Variants in COL25A1 observed in about 807,000 individuals in gnomAD.
COL25A1 encodes the protein collagen alpha-1(XXV) chain.
In COL25A1, 103 loss-of-function variants were observed where a neutral mutation model predicts 128.4. That is an observed-to-expected ratio of 0.80 (90% confidence interval 0.68 to 0.94). COL25A1 has a LOEUF of 0.94. COL25A1 is among the 40% of genes least tolerant of loss of function. The probability of loss-of-function intolerance (pLI) is 0.00; values close to 1 mark genes in which losing one functional copy is unlikely to be tolerated. For synonymous variants in COL25A1, 279 were observed against 277.2 expected, an observed-to-expected ratio of 1.01 and a Z score of -0.06; for missense variants, 745 against 840.0, an observed-to-expected ratio of 0.89 and a Z score of 1.40.
chr4:109,118,762 A>G (rs1767841083), intron 3 of COL25A1, among the ~76,000 whole-genome samples: 1 of 152,060 alleles, frequency 6.6e-6, no homozygotes, highest in African/African-American at 2.4e-5. Flanking sequence ...GAAGAAATAT[A>G]TTAATCCATT....
intron 18 of COL25A1, among the ~76,000 whole-genome samples, chr4:108,886,488 G>T (rs62314605): frequency 0.084 from 4,146 of 49,066 alleles, 167 homozygotes; most frequent in East Asian, 0.2. Flanking sequence ...GTGTGTGTGT[G>T]TGTGTTTAGC....
At chr4:108,868,663 AG>A (rs1339403213) in intron 20 of COL25A1, among the ~76,000 whole-genome samples, 44 of 148,188 alleles carry the variant, frequency 3.0e-4, no homozygotes, top group African/African-American at 9.7e-4. Context: ...AAAGAAGGAA[AG>A]GAAGGGGAAG....
At chr4:109,258,639 C>T (rs1781236907) in intron 3 of COL25A1, among the ~76,000 whole-genome samples, 1 of 152,114 alleles carries the variant, frequency 6.6e-6, no homozygotes, top group South Asian at 2.1e-4. Flanking sequence ...TACTGTATAA[C>T]ACCTCAACAT....
intron 3 of COL25A1, among the ~76,000 whole-genome samples, chr4:109,075,582 G>A (rs1047206049): frequency 9.2e-5 from 14 of 152,052 alleles, no homozygotes; most frequent in African/African-American, 3.4e-4. Context: ...AATTTTGGGA[G>A]AGTACACACT....
At chr4:108,929,155 G>T (rs761368588) in intron 11 of COL25A1, among the ~76,000 whole-genome samples, 4 of 151,184 alleles carry the variant, frequency 2.6e-5, no homozygotes, top group African/African-American at 9.7e-5. Flanking sequence ...ACCAAGTCTC[G>T]CTCTGTCACC....
chr4:109,224,265 A>G (rs1483325131), intron 3 of COL25A1, among the ~76,000 whole-genome samples: 1 of 151,948 alleles, frequency 6.6e-6, no homozygotes. Flanking sequence ...GTTCTGAAAA[A>G]CTCTGAAAGG....
chr4:108,953,377 G>A (rs1749685772), intron 8 of COL25A1, among the ~76,000 whole-genome samples: 1 of 152,094 alleles, frequency 6.6e-6, no homozygotes, highest in Non-Finnish European at 1.5e-5. Context: ...TGTTGCTTGA[G>A]GACATCCCTG....
chr4:109,149,576 T>C (rs1771272587), intron 3 of COL25A1, among the ~76,000 whole-genome samples: 1 of 152,152 alleles, frequency 6.6e-6, no homozygotes, highest in Non-Finnish European at 1.5e-5. Flanking sequence ...GCCATAAGGA[T>C]AATATATGTT....
intron 32 of COL25A1, 128 bp downstream of exon 32, chr4:108,832,252 G>C: frequency 1.6e-6 from 1 of 644,198 alleles, no homozygotes; most frequent in Non-Finnish European, 2.7e-6. Context: ...ACTTAGGATG[G>C]TATCTCTTTT....
intron 8 of COL25A1, among the ~76,000 whole-genome samples, chr4:108,955,123 C>T (rs1252446425): frequency 6.6e-6 from 1 of 151,940 alleles, no homozygotes. Flanking sequence ...TCTGTCATGT[C>T]ATTATTAAAA....
intron 3 of COL25A1, among the ~76,000 whole-genome samples, chr4:109,266,435 T>C (rs1169421834): frequency 2.0e-5 from 3 of 152,168 alleles, no homozygotes; most frequent in African/African-American, 7.2e-5. Context: ...CCAATATCAA[T>C]CTCATGCCTT....
intron 3 of COL25A1, among the ~76,000 whole-genome samples, chr4:109,160,760 T>C (rs1461113144): frequency 6.6e-6 from 1 of 152,164 alleles, no homozygotes; most frequent in Non-Finnish European, 1.5e-5. Flanking sequence ...GCCTGACCTG[T>C]AAGTGAGGAA....
At chr4:109,270,256 A>G (rs1387071444) in intron 3 of COL25A1, among the ~76,000 whole-genome samples, 2 of 152,178 alleles carry the variant, frequency 1.3e-5, no homozygotes, top group Admixed American at 6.5e-5. Flanking sequence ...AGGGTATTCA[A>G]TTAGGAAAAG....
At chr4:109,075,778 T>C (rs1354767768) in intron 3 of COL25A1, among the ~76,000 whole-genome samples, 3 of 152,188 alleles carry the variant, frequency 2.0e-5, no homozygotes, top group Non-Finnish European at 4.4e-5. Context: ...TATACGATCT[T>C]ATGTATGCAC....
intron 3 of COL25A1, among the ~76,000 whole-genome samples, chr4:109,070,857 A>ATGAG (rs1345503986): frequency 6.6e-6 from 1 of 152,046 alleles, no homozygotes; most frequent in Non-Finnish European, 1.5e-5. Flanking sequence ...CCAACAAAGG[A>ATGAG]CACGAGCTCA....
At chr4:108,908,136 T>G (rs572334809) in intron 13 of COL25A1, among the ~76,000 whole-genome samples, 1 of 152,340 alleles carries the variant, frequency 6.6e-6, no homozygotes, top group Admixed American at 6.5e-5. Flanking sequence ...TCCAGCCCCC[T>G]GCTCAAGCCT....
chr4:109,281,673 C>G (rs1723401951), intron 3 of COL25A1, among the ~76,000 whole-genome samples: 1 of 152,004 alleles, frequency 6.6e-6, no homozygotes, highest in Admixed American at 6.6e-5. Flanking sequence ...TACTCAAAAC[C>G]ATATTTTATA....
At chr4:109,133,424 C>T (rs1769408885) in intron 3 of COL25A1, among the ~76,000 whole-genome samples, 1 of 151,894 alleles carries the variant, frequency 6.6e-6, no homozygotes, top group South Asian at 2.1e-4. Flanking sequence ...CAAAACTCTA[C>T]CTAATAAGTA....
intron 21 of COL25A1, among the ~76,000 whole-genome samples, chr4:108,863,059 A>G (rs1208952645): frequency 6.6e-6 from 1 of 152,202 alleles, no homozygotes; most frequent in Non-Finnish European, 1.5e-5. Context: ...TTTAATACAC[A>G]TTGAGTGATA....
Sources: gnomAD v4.1 joint callset for allele counts (sites outside exome capture counted in the v4.1 genomes callset) on GRCh38, gnomAD v4.1.1 for gene constraint, MANE v1.5 for transcripts, NCBI Gene and HGNC (gene_info 2026-07-23, HGNC 2026-07-21) for gene names.